SMYD3: variants seen among roughly 807,000 people sequenced by gnomAD.
SMYD3 encodes SET and MYND domain containing 3.
SMYD3 carries 36 observed loss-of-function variants against 57.7 expected under a neutral mutation model. The ratio of observed to expected loss-of-function variants is 0.62; its 90% CI spans 0.48 to 0.82. The LOEUF (loss-of-function observed/expected upper bound fraction) is 0.82, where lower values mean the gene tolerates loss of function less well. SMYD3 is among the 40% of genes least tolerant of loss of function. The pLI, the probability that SMYD3 is intolerant of heterozygous loss-of-function variation, is 0.00. For synonymous variants in SMYD3, 211 were observed against 195.0 expected, an observed-to-expected ratio of 1.08 and a Z score of -0.68; for missense variants, 515 against 538.8, an observed-to-expected ratio of 0.96 and a Z score of 0.44.
chr1:246,033,417 T>C (rs1363465064), intron 5 of SMYD3, among the ~76,000 whole-genome samples: 1 of 152,228 alleles, frequency 6.6e-6, no homozygotes, highest in Non-Finnish European at 1.5e-5. Flanking sequence ...AAAGTGAATG[T>C]ATCTATAAAA....
chr1:246,094,787 A>T (rs547252110), intron 5 of SMYD3, among the ~76,000 whole-genome samples: 4 of 152,202 alleles, frequency 2.6e-5, no homozygotes, highest in African/African-American at 7.2e-5. Flanking sequence ...AAATACCAGA[A>T]ATCAGTATCA....
chr1:246,350,914 G>A (rs1020883183), intron 2 of SMYD3, among the ~76,000 whole-genome samples: 1 of 152,222 alleles, frequency 6.6e-6, no homozygotes, highest in Non-Finnish European at 1.5e-5. Flanking sequence ...TGTGTTGACA[G>A]TTAGATACAA....
chr1:246,402,183 A>T (rs894816978), intron 1 of SMYD3, among the ~76,000 whole-genome samples: 1 of 152,026 alleles, frequency 6.6e-6, no homozygotes, highest in Non-Finnish European at 1.5e-5. Context: ...CATCAATTCA[A>T]CATATATAGG....
chr1:246,042,510 G>A (rs1018431455), intron 5 of SMYD3, among the ~76,000 whole-genome samples: 1 of 152,130 alleles, frequency 6.6e-6, no homozygotes, highest in African/African-American at 2.4e-5. Context: ...TGCTCTTTGG[G>A]AACACCGTTC....
At chr1:245,957,551 G>A (rs2057882536) in intron 5 of SMYD3, among the ~76,000 whole-genome samples, 1 of 152,170 alleles carries the variant, frequency 6.6e-6, no homozygotes, top group Non-Finnish European at 1.5e-5. Context: ...TTTCTTTTCT[G>A]AATCTTCCCT....
intron 10 of SMYD3, among the ~76,000 whole-genome samples, chr1:245,785,888 A>G (rs987961212): frequency 6.6e-6 from 1 of 151,616 alleles, no homozygotes; most frequent in African/African-American, 2.4e-5. Flanking sequence ...TATTTTTTGT[A>G]GAGATGGAGT....
At chr1:246,435,435 T>C (rs946431947) in intron 1 of SMYD3, among the ~76,000 whole-genome samples, 9 of 152,104 alleles carry the variant, frequency 5.9e-5, no homozygotes, top group Non-Finnish European at 1.0e-4. Flanking sequence ...TTTTATTCTA[T>C]GAAGAGACCA....
chr1:246,349,873 T>C (rs1411540334), intron 2 of SMYD3, among the ~76,000 whole-genome samples: 2 of 151,840 alleles, frequency 1.3e-5, no homozygotes, highest in East Asian at 3.9e-4. Context: ...TCAGAACAAA[T>C]AACAAGGGCA....
At chr1:245,777,075 T>C (rs2046635345) in intron 10 of SMYD3, among the ~76,000 whole-genome samples, 1 of 152,120 alleles carries the variant, frequency 6.6e-6, no homozygotes, top group Non-Finnish European at 1.5e-5. Context: ...AGAGGATCCC[T>C]TAAAAAAATG....
chr1:246,161,579 TATTA>T (rs1174815777), intron 5 of SMYD3, among the ~76,000 whole-genome samples: 7 of 152,162 alleles, frequency 4.6e-5, no homozygotes. Context: ...CTATTGTAAT[TATTA>T]ATTTACTTTT....
rs1436284333 is a variant in SMYD3, at chr1:246,378,729, AT to A, written c.165-23636del. On this transcript the variant is annotated intron_variant, in intron 1 of 11. Transcript: ENST00000490107. ...TTATATATATAATATAATATATTAT[AT>A]ATTATATATAATTATATATAATATA... 2.8e-5 allele frequency among the ~76,000 whole-genome samples: 3 copies of A among 106,442 alleles called. No homozygotes were observed. The East Asian group carries it at 6.9e-4, about 24-fold the overall frequency. The allele number at this position is 106,442 out of a possible 152,430, so 69.8% of individuals were successfully genotyped here. A position where few individuals can be genotyped will look rare whatever the true frequency, so the allele number is the denominator to read the frequency against.
At position 246,260,151 on chromosome 1, in the gene SMYD3, T is replaced by C. The variant is rs77525599; in HGVS notation, c.531+67050A>G. On this transcript the variant is annotated intron_variant, in intron 5 of 11. Transcript: ENST00000490107. The stretch of plus-strand genomic sequence containing the variant: ...GAGCAGCTCGGGCTACTGACCCAAG[T>C]AAGCTTGTGCTCCAAATGCCTGCAG... 3.3e-5 allele frequency among the ~76,000 whole-genome samples: 5 copies of C among 152,244 alleles called. No individual in the cohort carries two copies. The East Asian group carries it at 9.7e-4, about 29-fold the overall frequency.
chr1:245,925,538 T>C (rs1361109189), intron 7 of SMYD3, among the ~76,000 whole-genome samples: 5 of 152,162 alleles, frequency 3.3e-5, no homozygotes, highest in Non-Finnish European at 7.3e-5. Context: ...CAGGCATTAG[T>C]TAAGCACACG....
chr1:245,822,591 T>G (rs567636503), intron 10 of SMYD3, among the ~76,000 whole-genome samples: 2 of 151,230 alleles, frequency 1.3e-5, no homozygotes, highest in East Asian at 3.9e-4. Context: ...ATGCCTCTAG[T>G]TGCTGCCTCA....
chr1:245,825,005 TG>T (rs2049402953), intron 10 of SMYD3, among the ~76,000 whole-genome samples: 1 of 152,040 alleles, frequency 6.6e-6, no homozygotes, highest in Admixed American at 6.6e-5. Flanking sequence ...CACTCCAGCC[TG>T]GGCAACAGAA....
At chr1:246,264,291 AAGT>A (rs952719013) in intron 5 of SMYD3, among the ~76,000 whole-genome samples, 2 of 152,222 alleles carry the variant, frequency 1.3e-5, no homozygotes, top group Admixed American at 6.5e-5. Context: ...CATTCAAAGC[AAGT>A]AGTAGTAAAA....
At chr1:246,367,473 A>C (rs2066125474) in intron 1 of SMYD3, among the ~76,000 whole-genome samples, 1 of 152,214 alleles carries the variant, frequency 6.6e-6, no homozygotes, top group Admixed American at 6.5e-5. Flanking sequence ...TTTGTCTAAA[A>C]AGTCGATCCA....
rs2063708484 is a variant in SMYD3 at position 246,246,634 on chromosome 1, T to C, written c.531+80567A>G. Among the ~76,000 whole-genome samples the C allele has an allele frequency of 2.0e-5, 3 of 152,102 alleles. No homozygotes were observed. In the South Asian group the frequency reaches 6.2e-4, roughly 31 times the overall value. ...CATCAAATGCAATAAGAATACCACC[T>C]ACTGGACACTTTATAATATGCATTA... On this transcript the variant is annotated intron_variant, in intron 5 of 11. Transcript: ENST00000490107.
chr1:245,966,038 C>T (rs146223354), intron 5 of SMYD3, among the ~76,000 whole-genome samples: 2 of 152,248 alleles, frequency 1.3e-5, no homozygotes, highest in African/African-American at 2.4e-5. Flanking sequence ...GAACATAAAA[C>T]GGTTCTCAAA....
Sources: gnomAD v4.1 joint callset for allele counts (sites outside exome capture counted in the v4.1 genomes callset) on GRCh38, gnomAD v4.1.1 for gene constraint, MANE v1.5 for transcripts, NCBI Gene and HGNC (gene_info 2026-07-23, HGNC 2026-07-21) for gene names.